PLXNA2: variants seen among roughly 807,000 people sequenced by gnomAD.
PLXNA2 encodes plexin-A2.
Under a neutral mutation model 193.5 loss-of-function variants are expected in PLXNA2, and 91 were observed. That is an observed-to-expected ratio of 0.47 (90% CI 0.40 to 0.56). The LOEUF (loss-of-function observed/expected upper bound fraction) is 0.56. PLXNA2 is among the 20% of genes least tolerant of loss of function. PLXNA2 has a pLI of 0.00. For missense variants in PLXNA2, 1,995 were observed against 2,503.2 expected (o/e 0.80, Z 4.33); for synonymous variants, 997 against 1,027.3 (o/e 0.97, Z 0.56).
At chr1:208,130,727 C>T (rs1163109793) in intron 4 of PLXNA2, among the ~76,000 whole-genome samples, 1 of 152,190 alleles carries the variant, frequency 6.6e-6, no homozygotes, top group Non-Finnish European at 1.5e-5. Context: ...CCCATCACCC[C>T]TCTGCCATCC....
intron 3 of PLXNA2, among the ~76,000 whole-genome samples, chr1:208,170,180 C>T (rs374194472): frequency 7.2e-5 from 11 of 152,264 alleles, no homozygotes; most frequent in South Asian, 2.1e-4. Flanking sequence ...ATTTTCTTTC[C>T]GCTAATAACT....
At chr1:208,071,138 A>G (rs1665963224) in intron 12 of PLXNA2, among the ~76,000 whole-genome samples, 1 of 152,232 alleles carries the variant, frequency 6.6e-6, no homozygotes. Flanking sequence ...GATTTGTAAA[A>G]GGATACAGGA....
intron 3 of PLXNA2, among the ~76,000 whole-genome samples, chr1:208,180,222 G>C (rs1436573178): frequency 6.6e-6 from 1 of 151,928 alleles, no homozygotes; most frequent in African/African-American, 2.4e-5. Context: ...GGCTGGGAAA[G>C]GGGGTGGAGT....
At chr1:208,127,713 A>G (rs954633830) in intron 4 of PLXNA2, among the ~76,000 whole-genome samples, 1 of 152,248 alleles carries the variant, frequency 6.6e-6, no homozygotes, top group Admixed American at 6.5e-5. Flanking sequence ...AAAAAGTTGG[A>G]TGAGGGGCCA....
intron 21 of PLXNA2, among the ~76,000 whole-genome samples, chr1:208,042,759 C>T (rs756411708): frequency 6.6e-6 from 1 of 152,196 alleles, no homozygotes; most frequent in Non-Finnish European, 1.5e-5. Flanking sequence ...TCATAGAATC[C>T]TGTGTCTTTC....
chr1:208,122,034 T>C (rs1465235588), intron 4 of PLXNA2, among the ~76,000 whole-genome samples: 3 of 152,132 alleles, frequency 2.0e-5, no homozygotes, highest in South Asian at 2.1e-4. Context: ...AAAAGAGCCA[T>C]CAGGAGCTGT....
Position 208,034,599 on chromosome 1 carries a change from AG to A in PLXNA2, c.4765-8del. 1 of 1,568,362 alleles carries A rather than the reference AG, an allele frequency of 6.4e-7. No individual in the cohort carries two copies. The highest frequency in any genetic ancestry group is 1.1e-5 in the South Asian group (1 of 90,158). ...CCACCGACCTGTCTGACACCTGAGA[AG>A]GGTACAAAAGGTACAGTACAAAAGG... On this transcript the variant is annotated splice_polypyrimidine_tract_variant and splice_region_variant and intron_variant, in intron 26 of 31. Transcript: ENST00000367033.
Position 208,092,840 on chromosome 1 carries a change from G to A in PLXNA2, c.2043C>T (p.Cys681=). ...RCHWCKYRNL[C]THDPTTCSFQ... is the part of the protein sequence containing the mutation. ...AGGAGCAGGTGGTGGGGTCATGAGT[G>A]CAGAGGTTGCGGTACTTGCACCAAT... Residue 681 remains cysteine (C), a synonymous_variant, in exon 9 of 32, where the codon TGC becomes TGT. Transcript: ENST00000367033. 6.2e-7 allele frequency: 1 copy of A among 1,613,980 alleles called. No individual in the cohort carries two copies. Among genetic ancestry groups the A allele is most frequent in the Non-Finnish European group, 8.5e-7 (1 of 1,179,932 alleles).
In PLXNA2 at chr1:208,038,613, T is replaced by C. The variant is rs1273668533; in HGVS notation, c.4661-139A>G. ...ACCAATAACAGAGGCTAGAGACATCTAGGGCTCCATGGGCCCAGGCAGCAG... is the reference window on the plus strand; with the variant it reads ...ACCAATAACAGAGGCTAGAGACATCCAGGGCTCCATGGGCCCAGGCAGCAG... On this transcript the variant is annotated intron_variant, in intron 25 of 31. Transcript: ENST00000367033. This position sits in a 1 kb window ranked among gnomAD's most constrained non-coding sequence, Gnocchi z 4.1. 2.5e-6 allele frequency: 2 copies of C among 796,264 alleles called. No individual in the cohort carries two copies. Among genetic ancestry groups the C allele is most frequent in the African/African-American group, 1.7e-5 (1 of 58,770 alleles). The allele number at this position is 796,264 out of a possible 1,614,324, so 49.3% of individuals were successfully genotyped here. A position where few individuals can be genotyped will look rare whatever the true frequency, so the allele number is the denominator to read the frequency against.
chr1:208,095,618 C>G (rs191394034), intron 8 of PLXNA2, among the ~76,000 whole-genome samples: 1 of 152,238 alleles, frequency 6.6e-6, no homozygotes, highest in Non-Finnish European at 1.5e-5. Context: ...TGTGCATAGC[C>G]GAGTCGCTAT....
At chr1:208,201,999 G>A in intron 3 of PLXNA2, among the ~76,000 whole-genome samples, 1 of 144,426 alleles carries the variant, frequency 6.9e-6, no homozygotes, top group Non-Finnish European at 1.5e-5. Context: ...TTCTTTTTGA[G>A]ATGGAGTCTC....
intron 1 of PLXNA2, among the ~76,000 whole-genome samples, chr1:208,223,235 T>TG (rs1449147606): frequency 1.3e-5 from 2 of 151,600 alleles, no homozygotes; most frequent in African/African-American, 4.9e-5. Context: ...CCCACTGTTT[T>TG]TTTTTTTTTT....
chr1:208,224,721 G>A (rs966388124), intron 1 of PLXNA2, among the ~76,000 whole-genome samples: 3 of 152,106 alleles, frequency 2.0e-5, no homozygotes, highest in Non-Finnish European at 4.4e-5. Flanking sequence ...AGAGGAGAGA[G>A]GGGAGGAAAA....
chr1:208,114,387 G>C (rs1334135945), intron 4 of PLXNA2, among the ~76,000 whole-genome samples: 1 of 152,202 alleles, frequency 6.6e-6, no homozygotes, highest in Non-Finnish European at 1.5e-5. Context: ...CAAATGGTAT[G>C]ACACAGAATC....
chr1:208,213,742 G>C (rs927311998), intron 2 of PLXNA2, among the ~76,000 whole-genome samples: 1 of 152,174 alleles, frequency 6.6e-6, no homozygotes, highest in Non-Finnish European at 1.5e-5. Context: ...CTGGGTCTTA[G>C]TTCTTTGGAG....
intron 3 of PLXNA2, among the ~76,000 whole-genome samples, chr1:208,193,011 C>T (rs147980327): frequency 6.6e-6 from 1 of 151,868 alleles, no homozygotes; most frequent in African/African-American, 2.4e-5. Flanking sequence ...ACTAAATCTA[C>T]AAATGTTTGT....
chr1:208,113,434 AC>A (rs1667547847), intron 4 of PLXNA2, among the ~76,000 whole-genome samples: 1 of 151,434 alleles, frequency 6.6e-6, no homozygotes, highest in Non-Finnish European at 1.5e-5. Flanking sequence ...GCCTAACAGG[AC>A]CCCATCTCAG....
chr1:208,042,958 C>T lies in PLXNA2; in HGVS notation c.4017+103G>A, dbSNP rs547972993. Reference sequence around the variant, plus strand: ...CTGTTACAAACTACTGACCCCTCTTCCCTGCTAACCTTACTCAGTACTGCT... The same window carrying T: ...CTGTTACAAACTACTGACCCCTCTTTCCTGCTAACCTTACTCAGTACTGCT... On this transcript the variant is annotated intron_variant, in intron 21 of 31. Coordinates refer to ENST00000367033, the MANE Select transcript of PLXNA2 (RefSeq NM_025179.4). 4 of 1,199,658 alleles carry T rather than the reference C, an allele frequency of 3.3e-6. No individual in the cohort carries two copies. The African/African-American group carries it at 4.5e-5, about 14-fold the overall frequency. 74.3% of individuals were successfully genotyped at this position (1,199,658 alleles called of 1,614,324 possible).
At chr1:208,150,371 G>A (rs1668721091) in intron 3 of PLXNA2, among the ~76,000 whole-genome samples, 1 of 152,138 alleles carries the variant, frequency 6.6e-6, no homozygotes, top group Admixed American at 6.5e-5. Flanking sequence ...GCTAACAGCG[G>A]GGTGCATGGG....
Sources: allele counts gnomAD v4.1 joint callset (sites outside exome capture counted in the v4.1 genomes callset), GRCh38; gene constraint gnomAD v4.1.1; non-coding constraint Gnocchi (gnomAD v3.1); transcripts MANE v1.5; gene names NCBI Gene and HGNC (gene_info 2026-07-23, HGNC 2026-07-21).